Variants in PAF1 observed in about 807,000 individuals in gnomAD.
PAF1 encodes RNA polymerase II-associated factor 1 homolog.
Under a neutral mutation model 68.4 loss-of-function variants are expected in PAF1, and 31 were observed. That is an observed-to-expected ratio of 0.45 (90% CI 0.34 to 0.61). PAF1 has a LOEUF of 0.61. PAF1 is among the 20% of genes least tolerant of loss of function. PAF1 has a pLI of 0.01. For missense variants in PAF1, 435 were observed against 692.9 expected (o/e 0.63, Z 4.18); for synonymous variants, 256 against 240.5 (o/e 1.06, Z -0.60).
rs2078336321 is a variant in PAF1, at chr19:39,389,905, G to A, written c.171-144C>T. The A allele has an allele frequency of 5.0e-6, 6 of 1,192,120 alleles. No homozygotes were observed. Among genetic ancestry groups the A allele is most frequent in the South Asian group, 1.3e-5 (1 of 77,440 alleles). The allele number at this position is 1,192,120 out of a possible 1,614,324, so 73.8% of individuals were successfully genotyped here. ...AGTCTGAAAGCTGGCTCCCCAGTGG[G>A]AAGGGACTTGGACACTGCTTGCTCC... On this transcript the variant is annotated intron_variant, in intron 3 of 13. Coordinates refer to ENST00000221265, the MANE Select transcript of PAF1 (RefSeq NM_019088.4). This position sits in a 1 kb window ranked among gnomAD's most constrained non-coding sequence, Gnocchi z 5.3.
At chr19:39,387,586 A>G (rs1181040144) in intron 11 of PAF1, among the ~76,000 whole-genome samples, 1 of 152,154 alleles carries the variant, frequency 6.6e-6, no homozygotes, top group African/African-American at 2.4e-5. Context: ...AGTTCTTGTA[A>G]TCTCTGCTTT....
At chr19:39,387,249 TAGTA>T (rs1461676747) in intron 11 of PAF1, 8 of 395,434 alleles carry the variant, frequency 2.0e-5, no homozygotes, top group Admixed American at 1.8e-4. Flanking sequence ...TGTAATACAA[TAGTA>T]AGTATTTGTG....
At position 39,390,912 on chromosome 19, in the gene PAF1, G is replaced by C. The variant is rs905978806; in HGVS notation, c.-48C>G. The C allele has an allele frequency of 5.8e-6, 9 of 1,548,996 alleles. No homozygotes were observed. The South Asian group carries it at 5.9e-5, about 10-fold the overall frequency. On this transcript the variant is annotated 5_prime_UTR_variant, in exon 1 of 14. Transcript: ENST00000221265. ...GGACGGGGTCCTAGCGGGACCGAAG[G>C]GGGACGCAGAGGGGCGTGCCGACTT...
At position 39,388,562 on chromosome 19, in the gene PAF1, A is replaced by G; in HGVS notation, c.855T>C (p.Asp285=). The change falls in exon 10 of 14, where the codon GAT becomes GAC. Residue 285 remains aspartate, a splice_region_variant and synonymous_variant. Coordinates refer to ENST00000221265, the MANE Select transcript of PAF1 (RefSeq NM_019088.4). The part of the protein sequence containing the change: ...QEEEMDYAPD[D]VYDYKIAREY... ...AAACTTAACCGCAACCCACGCACAC[A>G]TCATCTGGTGCATAGTCCATCTCCT... 1 of 1,612,870 alleles carries G rather than the reference A, an allele frequency of 6.2e-7. No individual in the cohort carries two copies. The highest frequency in any genetic ancestry group is 1.3e-5 in the African/African-American group (1 of 75,002).
chr19:39,389,501 T>A lies in PAF1; in HGVS notation c.338A>T (p.Gln113Leu). ...ADEKLLEEEI[Q>L]APTSSKRSQQ... ...TCACCTCTTGGAGCTGGTGGGGGCC[T>A]GAATCTCCTCTTCCAAAAGTTTCTC... The change falls in exon 5 of 14, where the codon CAG (glutamine) becomes CTG (leucine). Residue 113 changes from glutamine (Q) to leucine (L), a missense_variant. Coordinates refer to ENST00000221265, the MANE Select transcript of PAF1 (RefSeq NM_019088.4). This position sits in a 1 kb window ranked among gnomAD's most constrained non-coding sequence, Gnocchi z 5.3. 1 of 1,614,178 alleles carries A rather than the reference T, an allele frequency of 6.2e-7. No individual in the cohort carries two copies. Among genetic ancestry groups the A allele is most frequent in the Non-Finnish European group, 8.5e-7 (1 of 1,180,020 alleles).
Position 39,389,033 on chromosome 19 carries a change from A to T in PAF1, c.568-18T>A. On this transcript the variant is annotated intron_variant, in intron 7 of 13. Coordinates refer to ENST00000221265, the MANE Select transcript of PAF1 (RefSeq NM_019088.4). This position sits in a 1 kb window ranked among gnomAD's most constrained non-coding sequence, Gnocchi z 5.3. Reference sequence around the variant, plus strand: ...TGTGAGATCTGGTGGAACAAAAACAAGGTGAGGAGGAGCTCTGCAGCCGCA... The same window carrying T: ...TGTGAGATCTGGTGGAACAAAAACATGGTGAGGAGGAGCTCTGCAGCCGCA... 3 of 1,613,876 alleles carry T rather than the reference A, an allele frequency of 1.9e-6. No homozygotes were observed. Among genetic ancestry groups the T allele is most frequent in the Non-Finnish European group, 2.5e-6 (3 of 1,179,766 alleles).
At chr19:39,388,264 C>T in intron 11 of PAF1, 75 bp downstream of exon 11, 2 of 1,484,250 alleles carry the variant, frequency 1.3e-6, no homozygotes, top group Non-Finnish European at 9.4e-7. Flanking sequence ...AAATGACCTC[C>T]AAGGTGGCTC....
Position 39,389,409 on chromosome 19 carries a change from G to A in PAF1, c.360-26C>T. On this transcript the variant is annotated intron_variant, in intron 5 of 13. Transcript: ENST00000221265. The surrounding 1 kb of genome is among the most constrained non-coding windows in gnomAD (Gnocchi z 5.3). The stretch of plus-strand genomic sequence containing the variant: ...CTGGGGTGGGAAATCAGGTATCTCA[G>A]GACCCCACTGCCCTCCTGCTTGTAG... 1 of 1,612,550 alleles carries A rather than the reference G, an allele frequency of 6.2e-7. No individual in the cohort carries two copies. Among genetic ancestry groups the A allele is most frequent in the Non-Finnish European group, 8.5e-7 (1 of 1,178,592 alleles).
chr19:39,385,800 T>C lies in PAF1; in HGVS notation c.*191A>G, dbSNP rs2078232602. ...CCAAGATCCTTGAGCACCTGGGGGT[T>C]GCGGGAGGTATGTGCTGGGCTGAAT... is the stretch of plus-strand genomic sequence containing the variant. On this transcript the variant is annotated 3_prime_UTR_variant, in exon 14 of 14. Coordinates refer to ENST00000221265, the MANE Select transcript of PAF1 (RefSeq NM_019088.4). 2.5e-6 allele frequency: 2 copies of C among 784,514 alleles called. No individual in the cohort carries two copies. Among genetic ancestry groups the C allele is most frequent in the African/African-American group, 3.5e-5 (2 of 57,320 alleles). 48.6% of individuals were successfully genotyped at this position (784,514 alleles called of 1,614,324 possible). A position where few individuals can be genotyped will look rare whatever the true frequency, so the allele number is the denominator to read the frequency against.
In PAF1 at chr19:39,385,938, T is replaced by C. The variant is rs773698899; in HGVS notation, c.*53A>G. 5.4e-5 allele frequency: 86 copies of C among 1,603,122 alleles called. No homozygotes were observed. Among genetic ancestry groups the C allele is most frequent in the Non-Finnish European group, 7.2e-5 (85 of 1,176,776 alleles). ...GCTCACAAACAGACCACTAGAAAAGTGCTTTGCTGCTCACAATAATGGTGT... is the reference window on the plus strand; with the variant it reads ...GCTCACAAACAGACCACTAGAAAAGCGCTTTGCTGCTCACAATAATGGTGT... On this transcript the variant is annotated 3_prime_UTR_variant, in exon 14 of 14. Coordinates refer to ENST00000221265, the MANE Select transcript of PAF1 (RefSeq NM_019088.4).
intron 1 of PAF1, among the ~76,000 whole-genome samples, chr19:39,390,584 G>T (rs572344872): frequency 5.3e-5 from 8 of 152,184 alleles, no homozygotes; most frequent in African/African-American, 1.4e-4. Flanking sequence ...CGGAAGAGGG[G>T]TCTCCAAACG....
intron 10 of PAF1, 32 bp downstream of exon 10, chr19:39,388,528 C>T (rs1238234335): frequency 1.2e-6 from 2 of 1,614,030 alleles, no homozygotes; most frequent in Non-Finnish European, 1.7e-6. Context: ...CAAAACTTCC[C>T]AATCCCCAAA....
chr19:39,385,745 T>C lies in PAF1; in HGVS notation c.*246A>G. The C allele has an allele frequency of 1.7e-6, 1 of 583,904 alleles. No individual in the cohort carries two copies. The highest frequency in any genetic ancestry group is 3.0e-6 in the Non-Finnish European group (1 of 334,504). The allele number at this position is 583,904 out of a possible 1,614,324, so 36.2% of individuals were successfully genotyped here. On this transcript the variant is annotated 3_prime_UTR_variant, in exon 14 of 14. Transcript: ENST00000221265. Reference sequence around the variant, plus strand: ...ACATTTTGTGGGAAACCATTGGCCCTGCCTCTGGCCTGTGTTTCTAAGCCT... The same window carrying C: ...ACATTTTGTGGGAAACCATTGGCCCCGCCTCTGGCCTGTGTTTCTAAGCCT...
chr19:39,386,319 CCTT>C lies in PAF1; in HGVS notation c.1265_1267del (p.Glu422del). On this transcript the variant is annotated inframe_deletion, in exon 14 of 14. Coordinates refer to ENST00000221265, the MANE Select transcript of PAF1 (RefSeq NM_019088.4). The surrounding 1 kb of genome is among the most constrained non-coding windows in gnomAD (Gnocchi z 6.1). ...CTTGTCACTGGCCTCGTCCCTGTCA[CCTT>C]CCTCCCGTTCACTCTCGCTGCCCGA... 1 of 1,614,198 alleles carries C rather than the reference CCTT, an allele frequency of 6.2e-7. No homozygotes were observed. The highest frequency in any genetic ancestry group is 8.5e-7 in the Non-Finnish European group (1 of 1,180,034).
Position 39,385,888 on chromosome 19 carries a change from G to A in PAF1, c.*103C>T. 1 of 1,511,080 alleles carries A rather than the reference G, an allele frequency of 6.6e-7. No individual in the cohort carries two copies. Among genetic ancestry groups the A allele is most frequent in the Non-Finnish European group, 8.9e-7 (1 of 1,126,878 alleles). The allele number at this position is 1,511,080 out of a possible 1,614,324, so 93.6% of individuals were successfully genotyped here. On this transcript the variant is annotated 3_prime_UTR_variant, in exon 14 of 14. Transcript: ENST00000221265. ...TGACTTTATTAACAGCAAAGGTTTG[G>A]GGGTGGGGAACAAACAAGTGAAAGG...
At chr19:39,390,777 C>G in intron 1 of PAF1, 41 bp downstream of exon 1, 1 of 1,553,458 alleles carries the variant, frequency 6.4e-7, no homozygotes, top group Non-Finnish European at 8.7e-7. Flanking sequence ...AACCCTCTCC[C>G]GATCCCCCGC....
Position 39,386,283 on chromosome 19 carries a change from C to T in PAF1, c.1304G>A (p.Gly435Asp), listed in dbSNP as rs752471490. The T allele has an allele frequency of 6.2e-7, 1 of 1,614,174 alleles. No homozygotes were observed. Among genetic ancestry groups the T allele is most frequent in the Admixed American group, 1.7e-5 (1 of 60,020 alleles). The change falls in exon 14 of 14, where the codon GGT becomes GAT. Residue 435 changes from glycine (G) to aspartate (D), a missense_variant. By Grantham distance (94) the Gly-to-Asp change is moderately conservative. Around this residue, in one of 7 missense-constraint regions of PAF1, gnomAD observed 78 missense variants for 80.6 expected, o/e 0.97. Transcript: ENST00000221265. The surrounding 1 kb of genome is among the most constrained non-coding windows in gnomAD (Gnocchi z 6.1). Reference protein sequence around the residue: ...RDEASDKSGSGEDESSEDEAR... With the variant: ...RDEASDKSGSDEDESSEDEAR... ...CTCATCCTCGCTGCTCTCGTCCTCA[C>T]CACTGCCACTCTTGTCACTGGCCTC... is the stretch of plus-strand genomic sequence containing the variant.
Position 39,389,260 on chromosome 19 carries a change from T to A in PAF1, c.461+22A>T. ...ACACACCTAATATCTCCACCTTCCC[T>A]CTCTTCCTGTTAGTAACTTACTTGA... is the stretch of plus-strand genomic sequence containing the variant. On this transcript the variant is annotated intron_variant, in intron 6 of 13. Coordinates refer to ENST00000221265, the MANE Select transcript of PAF1 (RefSeq NM_019088.4). This position sits in a 1 kb window ranked among gnomAD's most constrained non-coding sequence, Gnocchi z 5.3. 2 of 1,610,886 alleles carry A rather than the reference T, an allele frequency of 1.2e-6. No homozygotes were observed. Among genetic ancestry groups the A allele is most frequent in the Non-Finnish European group, 1.7e-6 (2 of 1,177,004 alleles).
chr19:39,388,304 G>C (rs117544698), intron 11 of PAF1, 35 bp downstream of exon 11: 1 of 1,612,416 alleles, frequency 6.2e-7, no homozygotes, highest in Non-Finnish European at 8.5e-7. Context: ...AAGAAGCACA[G>C]ATCCAGGCTA....
Sources: gnomAD v4.1 joint callset for allele counts (sites outside exome capture counted in the v4.1 genomes callset) on GRCh38, gnomAD v4.1.1 for gene constraint, gnomAD v4.1.1 regional missense constraint, Gnocchi (gnomAD v3.1) non-coding constraint, MANE v1.5 for transcripts, NCBI Gene and HGNC (gene_info 2026-07-23, HGNC 2026-07-21) for gene names.